Variants in MICAL2 observed in about 807,000 individuals in gnomAD.
MICAL2 encodes the protein microtubule associated monooxygenase, calponin and LIM domain containing 2.
In MICAL2, 77 loss-of-function variants were observed where a neutral mutation model predicts 127.3. The observed-to-expected ratio is 0.60, with a 90% CI of 0.50 to 0.73. The LOEUF (loss-of-function observed/expected upper bound fraction) is 0.73, where lower values mean the gene tolerates loss of function less well. Among genes scored for constraint, MICAL2 ranks in the 30% least tolerant of loss-of-function variants. The probability of loss-of-function intolerance (pLI) is 0.00; values close to 1 mark genes in which losing one functional copy is unlikely to be tolerated. For synonymous variants in MICAL2, 570 were observed against 551.1 expected (o/e 1.03, Z -0.48); for missense variants, 1,351 against 1,434.4 (o/e 0.94, Z 0.94).
In MICAL2 at chr11:12,231,152, A is replaced by G. The variant is rs145448553; in HGVS notation, c.1995+4021A>G. Among the ~76,000 whole-genome samples, 6 of 152,350 alleles carry G rather than the reference A, an allele frequency of 3.9e-5. No homozygotes were observed. The East Asian group carries it at 1.2e-3, about 29-fold the overall frequency. On this transcript the variant is annotated intron_variant, in intron 15 of 27. Coordinates refer to ENST00000683283, the MANE Select transcript of MICAL2 (RefSeq NM_001282663.2). ...TCACAATACCTACCAGTACTCTCCT[A>G]GACCTGCCACACATGGTGACACCTG...
chr11:12,261,253 CA>C, intron 26 of MICAL2: 1 of 985,502 alleles, frequency 1.0e-6, no homozygotes, highest in Non-Finnish European at 1.2e-6. Flanking sequence ...GTGGTCAAAA[CA>C]GAAACCAATT....
At chr11:12,207,898 A>C in intron 4 of MICAL2, 125 bp from the exon 5 acceptor site, 45 of 714,818 alleles carry the variant, frequency 6.3e-5, no homozygotes, top group Non-Finnish European at 8.1e-5. Flanking sequence ...CCCGCTCAGT[A>C]ATGATCATTG....
At chr11:12,293,767 T>C, downstream of MICAL2, 1 of 1,613,716 alleles carries the variant, frequency 6.2e-7, no homozygotes, top group Non-Finnish European at 8.5e-7. Context: ...TGACTTCTGA[T>C]GAGTGCCAGC....
chr11:12,217,461 T>C (rs1856320275), intron 8 of MICAL2, among the ~76,000 whole-genome samples: 1 of 152,178 alleles, frequency 6.6e-6, no homozygotes, highest in African/African-American at 2.4e-5. Context: ...GCGATGGGCT[T>C]CAGCAGTGTC....
intron 26 of MICAL2, chr11:12,260,279 C>T: frequency 7.0e-7 from 1 of 1,430,606 alleles, no homozygotes; most frequent in South Asian, 1.5e-5. Flanking sequence ...ATTCTCTAAG[C>T]AATTAGCTCA....
chr11:12,348,796 G>A (rs1333246820), intron 32 of MICAL2, among the ~76,000 whole-genome samples: 1 of 152,174 alleles, frequency 6.6e-6, no homozygotes, highest in Non-Finnish European at 1.5e-5. Flanking sequence ...CAGCTATCAA[G>A]TGGTGATGAT....
At chr11:12,141,064 G>C (rs1037670998) in intron 2 of MICAL2, among the ~76,000 whole-genome samples, 1 of 152,110 alleles carries the variant, frequency 6.6e-6, no homozygotes, top group African/African-American at 2.4e-5. Flanking sequence ...CATGGGCTCC[G>C]GGAGGCAGTT....
intron 32 of MICAL2, among the ~76,000 whole-genome samples, chr11:12,340,202 A>G (rs1003508105): frequency 1.3e-5 from 2 of 152,254 alleles, no homozygotes; most frequent in African/African-American, 4.8e-5. Context: ...GTTACAAATC[A>G]GTAAGAAATA....
At chr11:12,360,118 T>A (rs77606379), downstream of MICAL2, among the ~76,000 whole-genome samples, 2,304 of 24,122 alleles carry the variant, frequency 0.096, 33 homozygotes, top group Non-Finnish European at 0.36. Flanking sequence ...CTTTTTTTTT[T>A]TAAAAAAAAA....
At chr11:12,361,178 C>A (rs114681382), downstream of MICAL2, among the ~76,000 whole-genome samples, 356 of 152,282 alleles carry the variant, frequency 2.3e-3, 1 homozygote, top group African/African-American at 8.2e-3. Context: ...CACACAGCTT[C>A]TAAGTTAAAT....
intron 22 of MICAL2, chr11:12,254,197 T>A (rs1472305842): frequency 6.6e-6 from 1 of 152,186 alleles, no homozygotes; most frequent in Non-Finnish European, 1.5e-5. Context: ...TCCGACCATA[T>A]CACAATATCA....
chr11:12,210,965 T>A (rs1260123894), intron 6 of MICAL2, among the ~76,000 whole-genome samples: 1 of 152,204 alleles, frequency 6.6e-6, no homozygotes. Context: ...CATCACCAAG[T>A]GGCCCCTGGG....
At chr11:12,180,861 G>A (rs79782532) in intron 3 of MICAL2, among the ~76,000 whole-genome samples, 2,703 of 150,320 alleles carry the variant, frequency 0.018, 75 homozygotes, top group African/African-American at 0.061. Context: ...TTCAACAGTT[G>A]ATCTTGGGTG....
At chr11:12,291,082 C>A (rs538043243), downstream of MICAL2, among the ~76,000 whole-genome samples, 23 of 152,266 alleles carry the variant, frequency 1.5e-4, no homozygotes, top group Middle Eastern at 3.4e-3. Flanking sequence ...GGGAGTTGAA[C>A]AAGAGAGTGG....
chr11:12,322,638 T>G (rs535418153), intron 30 of MICAL2, among the ~76,000 whole-genome samples: 1 of 152,190 alleles, frequency 6.6e-6, no homozygotes, highest in South Asian at 2.1e-4. Flanking sequence ...ATACAGAAAG[T>G]TGATGTGTAT....
intron 2 of MICAL2, chr11:12,286,972 A>T (rs1012249855): frequency 2.5e-6 from 1 of 396,932 alleles, no homozygotes. Flanking sequence ...TATTATAATC[A>T]TTAGTCTATT....
At position 12,229,622 on chromosome 11, in the gene MICAL2, A is replaced by C. The variant is rs1272113442; in HGVS notation, c.1995+2491A>C. On this transcript the variant is annotated intron_variant, in intron 15 of 27. Transcript: ENST00000683283. ...GATGTTTCCACCTTTCACTCACCACACCTCTATTTACAGAGTGACAGAATT... is the reference window on the plus strand; with the variant it reads ...GATGTTTCCACCTTTCACTCACCACCCCTCTATTTACAGAGTGACAGAATT... 3.3e-5 allele frequency among the ~76,000 whole-genome samples: 5 copies of C among 152,304 alleles called. No individual in the cohort carries two copies. The South Asian group carries it at 8.3e-4, about 25-fold the overall frequency.
chr11:12,294,465 C>T (rs766447887), downstream of MICAL2: 2 of 1,614,098 alleles, frequency 1.2e-6, no homozygotes, highest in African/African-American at 2.7e-5. Flanking sequence ...GCCCTCCGCA[C>T]CCACAGTTTG....
At chr11:12,174,374 C>A (rs979414730) in intron 3 of MICAL2, among the ~76,000 whole-genome samples, 1 of 149,922 alleles carries the variant, frequency 6.7e-6, no homozygotes, top group Admixed American at 6.7e-5. Context: ...CCCCCAGCCC[C>A]TGCCTACCAC....
Sources: allele counts gnomAD v4.1 joint callset (sites outside exome capture counted in the v4.1 genomes callset), GRCh38; gene constraint gnomAD v4.1.1; transcripts MANE v1.5; gene names NCBI Gene and HGNC (gene_info 2026-07-23, HGNC 2026-07-21).